ZNF679: variants seen among roughly 807,000 people sequenced by gnomAD.
ZNF679 encodes zinc finger protein 679, also known as hypothetical protein MGC42415.
Under a neutral mutation model 13.4 loss-of-function variants are expected in ZNF679, and 10 were observed. The observed-to-expected ratio is 0.75, with a 90% CI of 0.46 to 1.27. The LOEUF (loss-of-function observed/expected upper bound fraction) is 1.27. Ranked by LOEUF, ZNF679 falls within the 50% of genes most tolerant of loss-of-function variation. ZNF679 has a pLI of 0.00. For missense variants in ZNF679, 525 were observed against 477.8 expected, an observed-to-expected ratio of 1.10 and a Z score of -0.92; for synonymous variants, 179 against 162.5, an observed-to-expected ratio of 1.10 and a Z score of -0.77.
At chr7:64,248,151 CG>C (rs1273184013) in intron 1 of ZNF679, among the ~76,000 whole-genome samples, 2 of 152,148 alleles carry the variant, frequency 1.3e-5, no homozygotes, top group Non-Finnish European at 2.9e-5. Context: ...AAAAGAGAAC[CG>C]GGGATGGGGA....
At chr7:64,232,119 G>A (rs889108640) in intron 1 of ZNF679, among the ~76,000 whole-genome samples, 1 of 152,206 alleles carries the variant, frequency 6.6e-6, no homozygotes, top group Admixed American at 6.5e-5. Flanking sequence ...GGGAGGTGGA[G>A]GTTGCAGTGA....
At chr7:64,244,653 C>T (rs141907400) in intron 1 of ZNF679, among the ~76,000 whole-genome samples, 50 of 152,236 alleles carry the variant, frequency 3.3e-4, no homozygotes, top group African/African-American at 7.2e-5. Flanking sequence ...GGAGGGAAAG[C>T]GAATCCACAA....
At position 64,253,512 on chromosome 7, in the gene ZNF679, T is replaced by C. The variant is rs560431314; in HGVS notation, c.39+4356T>C. On this transcript the variant is annotated intron_variant, in intron 2 of 4. Transcript: ENST00000421025. ...CAGGCAGATTCAGTCAGAGTTAGAA[T>C]AGATGGGAATTGGAAAGACCTTACT... is the stretch of plus-strand genomic sequence containing the variant. Among the ~76,000 whole-genome samples the C allele has an allele frequency of 2.0e-5, 3 of 152,284 alleles. No individual in the cohort carries two copies. In the East Asian group the frequency reaches 5.8e-4, roughly 29 times the overall value.
In ZNF679 at chr7:64,234,634, C is replaced by T. The variant is rs75026976; in HGVS notation, c.-91+5982C>T. 2.7e-3 allele frequency among the ~76,000 whole-genome samples: 418 copies of T among 152,276 alleles called. 1 individual carries two copies. The highest frequency in any genetic ancestry group is 4.6e-3 in the Non-Finnish European group (316 of 68,026). The stretch of plus-strand genomic sequence containing the variant: ...AGCCTGGTTGATATACTGACTTCAG[C>T]GTTGTGAAAACCAAAGCATAGAGCC... On this transcript the variant is annotated intron_variant, in intron 1 of 4. Transcript: ENST00000421025.
intron 1 of ZNF679, among the ~76,000 whole-genome samples, chr7:64,235,937 T>G (rs1314031313): frequency 6.6e-6 from 1 of 152,012 alleles, no homozygotes; most frequent in Non-Finnish European, 1.5e-5. Context: ...AGAATTTACA[T>G]ATAAAATGTA....
rs563762071 is a variant in ZNF679 at position 64,237,559 on chromosome 7, T to C, written c.-91+8907T>C. Among the ~76,000 whole-genome samples the C allele has an allele frequency of 2.9e-4, 44 of 152,328 alleles. No individual in the cohort carries two copies. The South Asian group carries it at 8.9e-3, about 31-fold the overall frequency. Reference sequence around the variant, plus strand: ...CTCCCTCCAGCCAAGGCTGCAGTGATGTCTTTCTTTTTAGACCAAACACAC... The same window carrying C: ...CTCCCTCCAGCCAAGGCTGCAGTGACGTCTTTCTTTTTAGACCAAACACAC... On this transcript the variant is annotated intron_variant, in intron 1 of 4. Transcript: ENST00000421025.
intron 1 of ZNF679, among the ~76,000 whole-genome samples, chr7:64,240,170 G>A (rs1277767646): frequency 6.6e-6 from 1 of 152,162 alleles, no homozygotes; most frequent in African/African-American, 2.4e-5. Flanking sequence ...CCTGCTCTCA[G>A]AGAGGATTTT....
At position 64,249,135 on chromosome 7, in the gene ZNF679, A is replaced by T; in HGVS notation, c.18A>T (p.Gly6=). ...GCAGATTTATGGCTAAAAGACCGGG[A>T]TCCCCTGGAAGCCGAGAAATGGTGA... MAKRP[G]SPGSREMGLL... The change falls in exon 2 of 5, where the codon GGA becomes GGT. Residue 6 remains glycine, a synonymous_variant. Coordinates refer to ENST00000421025, the MANE Select transcript of ZNF679 (RefSeq NM_153363.3). The T allele has an allele frequency of 6.2e-7, 1 of 1,614,066 alleles. No homozygotes were observed. The highest frequency in any genetic ancestry group is 8.5e-7 in the Non-Finnish European group (1 of 1,180,010).
chr7:64,249,109 C>T lies in ZNF679; in HGVS notation c.-9C>T, dbSNP rs117470203. 3.0e-4 allele frequency: 484 copies of T among 1,614,044 alleles called. 8 individuals are homozygous for T. The South Asian group carries it at 5.0e-3, about 17-fold the overall frequency. On this transcript the variant is annotated 5_prime_UTR_variant, in exon 2 of 5. Coordinates refer to ENST00000421025, the MANE Select transcript of ZNF679 (RefSeq NM_153363.3). Reference sequence around the variant, plus strand: ...TGTGGCCTTGTGTTCTGCAGGTATCCGCAGATTTATGGCTAAAAGACCGGG... The same window carrying T: ...TGTGGCCTTGTGTTCTGCAGGTATCTGCAGATTTATGGCTAAAAGACCGGG...
At chr7:64,249,912 G>T (rs894057025) in intron 2 of ZNF679, among the ~76,000 whole-genome samples, 1 of 152,074 alleles carries the variant, frequency 6.6e-6, no homozygotes. Context: ...CACTATCTTG[G>T]CTCACTGCAA....
At chr7:64,258,105 A>T (rs1788026951) in intron 2 of ZNF679, among the ~76,000 whole-genome samples, 1 of 135,032 alleles carries the variant, frequency 7.4e-6, no homozygotes, top group East Asian at 3.4e-4. Context: ...ACATTGCTGG[A>T]GTCTGATAGG....
intron 4 of ZNF679, among the ~76,000 whole-genome samples, chr7:64,261,349 A>C (rs1278799071): frequency 6.6e-6 from 1 of 152,116 alleles, no homozygotes; most frequent in Non-Finnish European, 1.5e-5. Context: ...TTTTCTGCAC[A>C]TGCCATTCTG....
In ZNF679 at chr7:64,232,157, C is replaced by G. The variant is rs549949049; in HGVS notation, c.-91+3505C>G. The stretch of plus-strand genomic sequence containing the variant: ...AGAGATGGTGAGACTGCACTTCATC[C>G]TGGGCGACAGAGTGAATCTCCCAGG... On this transcript the variant is annotated intron_variant, in intron 1 of 4. Coordinates refer to ENST00000421025, the MANE Select transcript of ZNF679 (RefSeq NM_153363.3). Among the ~76,000 whole-genome samples the G allele has an allele frequency of 5.3e-5, 8 of 152,314 alleles. No individual in the cohort carries two copies. In the East Asian group the frequency reaches 7.7e-4, roughly 15 times the overall value.
chr7:64,236,272 G>A (rs1178898549), intron 1 of ZNF679, among the ~76,000 whole-genome samples: 3 of 151,802 alleles, frequency 2.0e-5, no homozygotes, highest in Non-Finnish European at 2.9e-5. Flanking sequence ...CAAAAAAAAG[G>A]AGTAAATTCT....
chr7:64,254,102 T>C (rs900141489), intron 2 of ZNF679, among the ~76,000 whole-genome samples: 1 of 151,170 alleles, frequency 6.6e-6, no homozygotes, highest in African/African-American at 2.4e-5. Flanking sequence ...TGGAGAATTT[T>C]ATTTTGTTTT....
At chr7:64,247,361 A>G (rs1024811717) in intron 1 of ZNF679, among the ~76,000 whole-genome samples, 1 of 152,214 alleles carries the variant, frequency 6.6e-6, no homozygotes, top group African/African-American at 2.4e-5. Context: ...CGCCTCTGAC[A>G]TGGCCACAGA....
At chr7:64,234,487 C>T (rs902013405) in intron 1 of ZNF679, among the ~76,000 whole-genome samples, 7 of 152,106 alleles carry the variant, frequency 4.6e-5, no homozygotes, top group African/African-American at 1.7e-4. Context: ...GAGAGCGGGT[C>T]CTAGCTAGCA....
intron 1 of ZNF679, among the ~76,000 whole-genome samples, chr7:64,233,556 T>C (rs1787670188): frequency 6.6e-6 from 1 of 152,150 alleles, no homozygotes; most frequent in South Asian, 2.1e-4. Context: ...TCCATCCTCC[T>C]AGTCACCCTT....
intron 4 of ZNF679, among the ~76,000 whole-genome samples, chr7:64,261,140 ATCTT>A (rs1788072077): frequency 6.6e-6 from 1 of 152,136 alleles, no homozygotes; most frequent in Admixed American, 6.5e-5. Context: ...CGCTTCAGTA[ATCTT>A]TCTTCAAGTT....
Sources: allele counts gnomAD v4.1 joint callset (sites outside exome capture counted in the v4.1 genomes callset), GRCh38; gene constraint gnomAD v4.1.1; transcripts MANE v1.5; gene names NCBI Gene and HGNC (gene_info 2026-07-23, HGNC 2026-07-21).